Variants in PWWP2A observed in about 807,000 individuals in gnomAD.
PWWP2A encodes PWWP domain containing 2A, also known as PWWP domain-containing protein 2A.
Under a neutral mutation model 48.5 loss-of-function variants are expected in PWWP2A, and 18 were observed. The observed-to-expected ratio is 0.37, with a 90% confidence interval of 0.26 to 0.55. PWWP2A has a LOEUF of 0.55. Among genes scored for constraint, PWWP2A ranks in the 20% least tolerant of loss-of-function variants. The pLI, the probability that PWWP2A is intolerant of heterozygous loss-of-function variation, is 0.81. For missense variants in PWWP2A, 867 were observed against 976.4 expected (o/e 0.89, Z 1.49); for synonymous variants, 396 against 387.7 (o/e 1.02, Z -0.25).
the PWWP2A span, among the ~76,000 whole-genome samples, chr5:160,045,073 T>A: frequency 6.6e-6 from 1 of 152,166 alleles, no homozygotes; most frequent in Non-Finnish European, 1.5e-5. Flanking sequence ...TTCCTTTATG[T>A]GAGGATGTGT....
downstream of PWWP2A, among the ~76,000 whole-genome samples, chr5:160,088,873 G>A (rs1370675820): frequency 2.0e-5 from 3 of 152,136 alleles, no homozygotes; most frequent in Admixed American, 1.3e-4. Flanking sequence ...AGTTATTCTA[G>A]ACTTGTGACC....
At chr5:160,045,449 A>G in the PWWP2A span, among the ~76,000 whole-genome samples, 1 of 56,180 alleles carries the variant, frequency 1.8e-5, no homozygotes, top group Non-Finnish European at 3.6e-5. Flanking sequence ...GACATCCCCC[A>G]CCCTCCACAC....
At chr5:160,080,654 C>T (rs1470175655) in exon 3 of PWWP2A, 2 of 1,548,044 alleles carry the variant, frequency 1.3e-6, no homozygotes, top group East Asian at 2.4e-5. Context: ...GACAGACCTG[C>T]CCGTTTCACT....
At chr5:160,050,036 A>C in the PWWP2A span, among the ~76,000 whole-genome samples, 1 of 150,962 alleles carries the variant, frequency 6.6e-6, no homozygotes, top group Non-Finnish European at 1.5e-5. Context: ...TCATGCCACT[A>C]CACTGCAGCC....
rs1167198644 is a variant in PWWP2A, at chr5:160,109,778, T to A, written c.584+9027A>T. On this transcript the variant is annotated intron_variant, in intron 1 of 1. Transcript: ENST00000307063. ...CTGGGAAAAAAAAAAAAAAAAAATA[T>A]ATATATATATATATATATATATATA... 2.5e-3 allele frequency among the ~76,000 whole-genome samples: 109 copies of A among 43,990 alleles called. 1 individual carries two copies. Among genetic ancestry groups the A allele is most frequent in the Non-Finnish European group, 3.7e-3 (79 of 21,192 alleles). The allele number at this position is 43,990 out of a possible 152,430, so 28.9% of individuals were successfully genotyped here.
intron 1 of PWWP2A, among the ~76,000 whole-genome samples, chr5:160,112,868 A>G (rs377423134): frequency 6.6e-6 from 1 of 152,188 alleles, no homozygotes; most frequent in East Asian, 1.9e-4. Flanking sequence ...ATTAGAAATT[A>G]AAGCCCAGGC....
intron 1 of PWWP2A, among the ~76,000 whole-genome samples, chr5:160,109,999 A>G (rs1381116212): frequency 6.6e-6 from 1 of 150,548 alleles, no homozygotes; most frequent in Non-Finnish European, 1.5e-5. Flanking sequence ...AACAGTCTTG[A>G]GCTATTAATT....
intron 1 of PWWP2A, chr5:160,105,585 A>G (rs77219768): frequency 3.7e-6 from 2 of 546,916 alleles, no homozygotes; most frequent in African/African-American, 4.1e-5. Context: ...AATGGAAAAA[A>G]GAAAGCAAGC....
chr5:160,062,202 C>T (rs1157146728), intron 5 of PWWP2A: 4 of 152,184 alleles, frequency 2.6e-5, no homozygotes, highest in East Asian at 1.9e-4. Context: ...TTAGGCAAAA[C>T]GAGGGCCTGG....
At chr5:160,045,514 A>ACTCTC in the PWWP2A span, among the ~76,000 whole-genome samples, 22 of 29,732 alleles carry the variant, frequency 7.4e-4, no homozygotes, top group African/African-American at 8.9e-4. Context: ...ACACACACAC[A>ACTCTC]TACACACTCT....
intron 1 of PWWP2A, among the ~76,000 whole-genome samples, chr5:160,111,597 G>A (rs1475188226): frequency 6.6e-6 from 1 of 152,048 alleles, no homozygotes; most frequent in East Asian, 1.9e-4. Flanking sequence ...TCACACGACT[G>A]CACTCCAGTC....
At chr5:160,053,578 A>G in the PWWP2A span, among the ~76,000 whole-genome samples, 2 of 152,150 alleles carry the variant, frequency 1.3e-5, no homozygotes, top group Non-Finnish European at 2.9e-5. Flanking sequence ...AAAAAAGAAA[A>G]TTATAAAATC....
the PWWP2A span, among the ~76,000 whole-genome samples, chr5:160,049,014 A>G: frequency 6.6e-6 from 1 of 152,146 alleles, no homozygotes; most frequent in Admixed American, 6.5e-5. Context: ...CCTGTCCTGG[A>G]CTGGGTAAAT....
At chr5:160,054,696 C>T in the PWWP2A span, among the ~76,000 whole-genome samples, 6 of 151,364 alleles carry the variant, frequency 4.0e-5, no homozygotes, top group East Asian at 1.9e-4. Flanking sequence ...TTCAAATGTA[C>T]GGTATAGCAT....
the PWWP2A span, chr5:160,049,626 A>G: frequency 1.9e-6 from 3 of 1,600,922 alleles, no homozygotes; most frequent in African/African-American, 1.4e-5. Context: ...TATTAGAAAA[A>G]GATCCATCAA....
At chr5:160,104,815 AAAAC>A (rs966952286) in intron 1 of PWWP2A, among the ~76,000 whole-genome samples, 17 of 152,282 alleles carry the variant, frequency 1.1e-4, no homozygotes, top group Non-Finnish European at 1.6e-4. Flanking sequence ...AAAAAAAACA[AAAAC>A]AAACAAACAA....
chr5:160,055,012 T>C, the PWWP2A span, among the ~76,000 whole-genome samples: 1 of 152,146 alleles, frequency 6.6e-6, no homozygotes, highest in Non-Finnish European at 1.5e-5. Context: ...TGTCACCTTA[T>C]GGGAGGAGTG....
At chr5:160,054,673 C>T in the PWWP2A span, among the ~76,000 whole-genome samples, 4 of 151,560 alleles carry the variant, frequency 2.6e-5, no homozygotes, top group South Asian at 2.1e-4. Flanking sequence ...AAAAAAGTAG[C>T]GTTTTATATA....
chr5:160,064,937 T>G, intron 4 of PWWP2A: 2 of 1,606,748 alleles, frequency 1.2e-6, no homozygotes, highest in Non-Finnish European at 1.7e-6. Flanking sequence ...TACAGGTAAA[T>G]TAAAAGATCT....
Sources: gnomAD v4.1 joint callset for allele counts (sites outside exome capture counted in the v4.1 genomes callset) on GRCh38, gnomAD v4.1.1 for gene constraint, MANE v1.5 for transcripts, NCBI Gene and HGNC (gene_info 2026-07-23, HGNC 2026-07-21) for gene names.